The following ATP2B2 variants were observed in gnomAD, a reference collection of about 807,000 sequenced individuals.
The protein encoded by ATP2B2 is plasma membrane calcium-transporting ATPase 2.
In ATP2B2, 15 loss-of-function variants were observed where a neutral mutation model predicts 120.0. That is an observed-to-expected ratio of 0.12 (90% CI 0.08 to 0.19). The LOEUF is 0.19. Ranked by LOEUF, ATP2B2 falls within the 10% of genes least tolerant of loss-of-function variation. The probability of loss-of-function intolerance (pLI) is 1.00; values close to 1 mark genes in which losing one functional copy is unlikely to be tolerated. For missense variants in ATP2B2, 1,045 were observed against 1,719.8 expected, an observed-to-expected ratio of 0.61 and a Z score of 6.94; for synonymous variants, 694 against 700.3, an observed-to-expected ratio of 0.99 and a Z score of 0.14.
chr3:10,606,912 C>CACACAGAG (rs1405755716), intron 2 of ATP2B2, among the ~76,000 whole-genome samples: 2 of 62,526 alleles, frequency 3.2e-5, no homozygotes, highest in East Asian at 8.6e-4. Flanking sequence ...CACACACACA[C>CACACAGAG]AGAGAGAGAG....
intron 1 of ATP2B2, among the ~76,000 whole-genome samples, chr3:10,496,827 C>T (rs1488057055): frequency 1.3e-5 from 2 of 152,194 alleles, no homozygotes; most frequent in African/African-American, 4.8e-5. Flanking sequence ...GTGACTTGTC[C>T]AAGGTCACTT....
chr3:10,668,064 C>G (rs558233069), intron 1 of ATP2B2, among the ~76,000 whole-genome samples: 3 of 152,314 alleles, frequency 2.0e-5, no homozygotes, highest in African/African-American at 7.2e-5. Context: ...TCCTGGCTTC[C>G]GACCTCCTGG....
intron 2 of ATP2B2, among the ~76,000 whole-genome samples, chr3:10,443,834 T>G (rs189973831): frequency 7.7e-4 from 117 of 152,246 alleles, no homozygotes; most frequent in Non-Finnish European, 1.2e-3. Flanking sequence ...TAAAAGCACT[T>G]TCAACTCACG....
intron 1 of ATP2B2, among the ~76,000 whole-genome samples, chr3:10,503,993 G>A (rs1462062266): frequency 1.3e-5 from 2 of 152,202 alleles, no homozygotes; most frequent in African/African-American, 4.8e-5. Context: ...GTGTGGGCAT[G>A]GGCATTCCAT....
chr3:10,378,359 G>C lies in ATP2B2; in HGVS notation c.1094C>G (p.Ala365Gly), dbSNP rs1224594944. The C allele has an allele frequency of 6.2e-7, 1 of 1,606,018 alleles. No homozygotes were observed. The highest frequency in any genetic ancestry group is 8.5e-7 in the Non-Finnish European group (1 of 1,180,000). The change falls in exon 10 of 23, where the codon GCC becomes GGC. Residue 365 changes from alanine to glycine, a missense_variant. This residue lies in a region of ATP2B2 where 145 missense variants were observed against 202.0 expected (regional missense o/e 0.72). Coordinates refer to ENST00000360273, the MANE Select transcript of ATP2B2 (RefSeq NM_001001331.4). ...CCTGTCGTCAGCGTCGCCGCCCTCG[G>C]CACTCTTGAGGGGCTGCATCTCCAT... ...AAMEMQPLKS[A>G]EGGDADDRKK...
At chr3:10,680,665 T>G (rs2071361101) in intron 1 of ATP2B2, among the ~76,000 whole-genome samples, 1 of 152,160 alleles carries the variant, frequency 6.6e-6, no homozygotes, top group Admixed American at 6.5e-5. Flanking sequence ...GGGTGGTGGT[T>G]ACTGATCCTC....
intron 1 of ATP2B2, among the ~76,000 whole-genome samples, chr3:10,621,118 G>A (rs1020209220): frequency 1.1e-4 from 16 of 152,152 alleles, no homozygotes; most frequent in African/African-American, 3.6e-4. Context: ...CTGTCCTCTG[G>A]CACCCCACCC....
intron 1 of ATP2B2, among the ~76,000 whole-genome samples, chr3:10,652,660 T>C (rs926888767): frequency 1.3e-5 from 2 of 152,190 alleles, no homozygotes; most frequent in African/African-American, 2.4e-5. Flanking sequence ...TGCACACCCA[T>C]GTTTGTGGCA....
At chr3:10,528,090 GCTT>G (rs1210376895) in intron 3 of ATP2B2, among the ~76,000 whole-genome samples, 7 of 152,180 alleles carry the variant, frequency 4.6e-5, no homozygotes, top group African/African-American at 7.2e-5. Context: ...TGTACCCCTG[GCTT>G]CTTCTTGGGC....
upstream of ATP2B2, among the ~76,000 whole-genome samples, chr3:10,507,789 C>T (rs146379760): frequency 9.1e-4 from 139 of 152,304 alleles, 1 homozygote; most frequent in African/African-American, 3.1e-3. Flanking sequence ...GGGTGGCTGC[C>T]GTGAGCACCC....
At chr3:10,458,304 GCCC>G (rs1263395229) in intron 1 of ATP2B2, among the ~76,000 whole-genome samples, 3 of 152,186 alleles carry the variant, frequency 2.0e-5, no homozygotes, top group Non-Finnish European at 4.4e-5. Flanking sequence ...GCCACACAGA[GCCC>G]CCCAGTAACC....
In ATP2B2 at chr3:10,546,089, A is replaced by G. The variant is rs577937722; in HGVS notation, c.-414-11956T>C. ...AATGTCTTCATTTTCCTCATTTTCT[A>G]TAGTAAACGTGCATGGAAGAAACCA... On this transcript the variant is annotated intron_variant, in intron 2 of 21. Coordinates refer to the ATP2B2 transcript ENST00000646379. 5.9e-5 allele frequency among the ~76,000 whole-genome samples: 9 copies of G among 152,332 alleles called. No homozygotes were observed. In the East Asian group the frequency reaches 1.2e-3, roughly 20 times the overall value.
At chr3:10,504,562 A>AC (rs5846667) in intron 1 of ATP2B2, among the ~76,000 whole-genome samples, 48,027 of 149,130 alleles carry the variant, frequency 0.32, 8,369 homozygotes, top group Admixed American at 0.41. Flanking sequence ...AGTCCAGAGC[A>AC]CCCCCCCAAC....
At chr3:10,564,012 C>T (rs1320050246) in intron 2 of ATP2B2, among the ~76,000 whole-genome samples, 1 of 152,180 alleles carries the variant, frequency 6.6e-6, no homozygotes, top group African/African-American at 2.4e-5. Context: ...CACTTCTGAC[C>T]ATGTGTTTTC....
At chr3:10,545,885 T>A (rs1343532573) in intron 2 of ATP2B2, among the ~76,000 whole-genome samples, 3 of 152,182 alleles carry the variant, frequency 2.0e-5, no homozygotes, top group Non-Finnish European at 2.9e-5. Flanking sequence ...GAAAATATCT[T>A]AATAACCTCA....
chr3:10,557,628 A>C (rs369503500), intron 2 of ATP2B2, among the ~76,000 whole-genome samples: 58 of 152,204 alleles, frequency 3.8e-4, no homozygotes, highest in African/African-American at 1.4e-3. Context: ...ACTGCAGGGC[A>C]CAGTCACTGA....
At chr3:10,669,064 C>T (rs2071024821) in intron 1 of ATP2B2, among the ~76,000 whole-genome samples, 1 of 152,170 alleles carries the variant, frequency 6.6e-6, no homozygotes, top group East Asian at 1.9e-4. Flanking sequence ...ACAAAATGCT[C>T]AGAATGTAAG....
At chr3:10,690,087 G>A (rs2071621809) in intron 1 of ATP2B2, among the ~76,000 whole-genome samples, 1 of 152,218 alleles carries the variant, frequency 6.6e-6, no homozygotes, top group Non-Finnish European at 1.5e-5. Context: ...CAAAGGCTCT[G>A]GGGGCAGTCA....
intron 2 of ATP2B2, among the ~76,000 whole-genome samples, chr3:10,576,990 G>A (rs1210675250): frequency 6.6e-6 from 1 of 150,392 alleles, no homozygotes; most frequent in Non-Finnish European, 1.5e-5. Flanking sequence ...GGAGGCGGAG[G>A]TTGCAGTGAG....
Sources: gnomAD v4.1 joint callset for allele counts (sites outside exome capture counted in the v4.1 genomes callset) on GRCh38, gnomAD v4.1.1 for gene constraint, gnomAD v4.1.1 regional missense constraint, MANE v1.5 for transcripts, NCBI Gene and HGNC (gene_info 2026-07-23, HGNC 2026-07-21) for gene names.